Variants in ADCY10 observed in about 807,000 individuals in gnomAD.
The protein encoded by ADCY10 is adenylate cyclase type 10.
In ADCY10, 156 loss-of-function variants were observed where a neutral mutation model predicts 183.3. The ratio of observed to expected loss-of-function variants is 0.85; its 90% CI spans 0.75 to 0.97. The LOEUF (loss-of-function observed/expected upper bound fraction) is 0.97. ADCY10 is among the 50% of genes least tolerant of loss of function. The probability of loss-of-function intolerance (pLI) is 0.00; values close to 1 mark genes in which losing one functional copy is unlikely to be tolerated. For synonymous variants in ADCY10, 645 were observed against 670.0 expected (o/e 0.96, Z 0.58); for missense variants, 1,745 against 1,934.3 (o/e 0.90, Z 1.84).
At chr1:167,902,100 G>A in intron 3 of ADCY10, 46 bp from the exon 4 acceptor site, 2 of 1,567,026 alleles carry the variant, frequency 1.3e-6, no homozygotes, top group Non-Finnish European at 1.8e-6. Flanking sequence ...TTCCTTAAAG[G>A]TAGTAAAAAA....
chr1:167,861,028 T>C lies in ADCY10; in HGVS notation c.1652A>G (p.His551Arg), dbSNP rs1273997825. 1.2e-6 allele frequency: 2 copies of C among 1,614,058 alleles called. No individual in the cohort carries two copies. The highest frequency in any genetic ancestry group is 8.5e-7 in the Non-Finnish European group (1 of 1,180,024). ...CATCTGGATGGTATAGAAAGTTTGA[T>C]GGAAGCTGATCTTATTCAATGAAAT... ...IAISLNKISF[H>R]QTFYTIQMFM... The change falls in exon 15 of 33, where the codon CAT (histidine) becomes CGT (arginine). Residue 551 changes from histidine (H) to arginine (R), a missense_variant. Transcript: ENST00000367851.
At chr1:167,856,462 AAG>A in intron 16 of ADCY10, 23 bp from the exon 17 acceptor site, 1 of 1,613,868 alleles carries the variant, frequency 6.2e-7, no homozygotes, top group Non-Finnish European at 8.5e-7. Context: ...CAGAAAGAGA[AAG>A]AGAAACACCA....
rs1668776894 is a variant in ADCY10 at position 167,893,914 on chromosome 1, T to C, written c.767A>G (p.Lys256Arg). 6.2e-7 allele frequency: 1 copy of C among 1,613,650 alleles called. No individual in the cohort carries two copies. Among genetic ancestry groups the C allele is most frequent in the African/African-American group, 1.3e-5 (1 of 75,010 alleles). ...KNLLRLACTL[K>R]PDPELEMSLQ... Reference sequence around the variant, plus strand: ...GGACATCTCCAGTTCAGGATCAGGCTTCAGCGTGCATGCAAGCCTCAGGAG... The same window carrying C: ...GGACATCTCCAGTTCAGGATCAGGCCTCAGCGTGCATGCAAGCCTCAGGAG... The change falls in exon 8 of 33, where the codon AAG (lysine) becomes AGG (arginine). Residue 256 changes from lysine (K) to arginine (R), a missense_variant. Transcript: ENST00000367851.
At position 167,848,488 on chromosome 1, in the gene ADCY10, C is replaced by T; in HGVS notation, c.2310G>A (p.Lys770=). ...KTNRTWNNLF[K]YSIKLTEKLN... ...ACTTCTCTGTTAGCTTAATGGAATA[C>T]TCTACAGGGGTATAAAAGGGAAGAA... The change falls in exon 19 of 33, where the codon AAG becomes AAA. Residue 770 remains lysine, a splice_region_variant and synonymous_variant. Coordinates refer to ENST00000367851, the MANE Select transcript of ADCY10 (RefSeq NM_018417.6). 1 of 1,613,650 alleles carries T rather than the reference C, an allele frequency of 6.2e-7. No homozygotes were observed. Among genetic ancestry groups the T allele is most frequent in the East Asian group, 2.2e-5 (1 of 44,870 alleles).
At chr1:167,819,062 A>C (rs1662707593) in intron 30 of ADCY10, among the ~76,000 whole-genome samples, 4 of 152,094 alleles carry the variant, frequency 2.6e-5, no homozygotes, top group Non-Finnish European at 5.9e-5. Context: ...GGGGTGTGGC[A>C]TCTCTGAGTT....
chr1:167,822,728 G>A (rs1215350752), intron 29 of ADCY10, among the ~76,000 whole-genome samples: 1 of 152,144 alleles, frequency 6.6e-6, no homozygotes, highest in Non-Finnish European at 1.5e-5. Flanking sequence ...AAGACAGTCA[G>A]CCACTATCAC....
rs543379404 is a variant in ADCY10, at chr1:167,822,341, A to T, written c.4169-200T>A. Among the ~76,000 whole-genome samples the T allele has an allele frequency of 7.2e-5, 11 of 152,240 alleles. No individual in the cohort carries two copies. The East Asian group carries it at 1.9e-3, about 27-fold the overall frequency. On this transcript the variant is annotated intron_variant, in intron 29 of 32. Transcript: ENST00000367851. ...TGAGTCCTACCTATTGGGGAGTGTT[A>T]TGGATATATACTACAGTTCCACAGT...
intron 1 of ADCY10, among the ~76,000 whole-genome samples, chr1:167,906,371 A>G (rs904968019): frequency 1.3e-5 from 2 of 152,122 alleles, no homozygotes; most frequent in African/African-American, 4.8e-5. Flanking sequence ...GGTTTAAAAA[A>G]AAAAAGGGTA....
chr1:167,834,185 A>C, intron 23 of ADCY10, 108 bp from the exon 24 acceptor site: 2 of 805,510 alleles, frequency 2.5e-6, no homozygotes, highest in Non-Finnish European at 4.2e-6. Context: ...GAGCCATTTC[A>C]GTTACCACCT....
In ADCY10 at chr1:167,870,403, A is replaced by T. The variant is rs1270525030; in HGVS notation, c.1470T>A (p.Asn490Lys). ...RKEDYPLLGR[N>K]KEINYFMYTM... ...TATACATGAAGTAGTTGATCTCTTT[A>T]TTACGTCCTGTTATTTTTAGTTTTA... Residue 490 changes from asparagine (N) to lysine (K), a missense_variant, in exon 14 of 33, where the codon AAT (asparagine) becomes AAA (lysine). Coordinates refer to ENST00000367851, the MANE Select transcript of ADCY10 (RefSeq NM_018417.6). The T allele has an allele frequency of 6.2e-7, 1 of 1,608,330 alleles. No homozygotes were observed. The highest frequency in any genetic ancestry group is 2.2e-5 in the East Asian group (1 of 44,820).
chr1:167,868,563 A>G (rs1311517502), intron 14 of ADCY10, among the ~76,000 whole-genome samples: 2 of 152,130 alleles, frequency 1.3e-5, no homozygotes, highest in East Asian at 3.8e-4. Flanking sequence ...GGGACTAGAC[A>G]GCCCCCCACT....
chr1:167,812,984 T>C (rs772232954), intron 31 of ADCY10, among the ~76,000 whole-genome samples: 2 of 151,874 alleles, frequency 1.3e-5, no homozygotes, highest in Non-Finnish European at 2.9e-5. Flanking sequence ...TGAAGAAAAG[T>C]TAACAGAGCC....
At chr1:167,887,844 G>T (rs1668337043) in intron 8 of ADCY10, among the ~76,000 whole-genome samples, 1 of 150,996 alleles carries the variant, frequency 6.6e-6, no homozygotes, top group African/African-American at 2.4e-5. Context: ...GTGCTTGTGG[G>T]GTATTACTCA....
At chr1:167,860,767 T>C in intron 15 of ADCY10, 104 bp downstream of exon 15, 1 of 936,132 alleles carries the variant, frequency 1.1e-6, no homozygotes, top group Non-Finnish European at 1.8e-6. Flanking sequence ...ATCTGGATAC[T>C]GCAGATATAC....
At chr1:167,895,855 G>A (rs1395322683) in intron 7 of ADCY10, among the ~76,000 whole-genome samples, 1 of 152,064 alleles carries the variant, frequency 6.6e-6, no homozygotes, top group Non-Finnish European at 1.5e-5. Context: ...AAGACTAGAA[G>A]GTCAAAGACA....
intron 12 of ADCY10, among the ~76,000 whole-genome samples, chr1:167,876,777 T>C (rs1667497644): frequency 1.3e-5 from 2 of 152,218 alleles, no homozygotes; most frequent in South Asian, 4.1e-4. Flanking sequence ...GTCCTCTCAT[T>C]CTGGACTCAG....
intron 14 of ADCY10, among the ~76,000 whole-genome samples, chr1:167,863,355 T>C (rs1666426746): frequency 6.6e-6 from 1 of 152,162 alleles, no homozygotes; most frequent in Non-Finnish European, 1.5e-5. Flanking sequence ...CCACCGGTGC[T>C]CACAGCCCCT....
At position 167,891,655 on chromosome 1, in the gene ADCY10, C is replaced by CAAA. The variant is rs774084079; in HGVS notation, c.828+2195_828+2197dup. 2.1e-3 allele frequency among the ~76,000 whole-genome samples: 228 copies of CAAA among 107,682 alleles called. 2 individuals are homozygous for CAAA. The highest frequency in any genetic ancestry group is 7.2e-3 in the African/African-American group (218 of 30,470). The allele number at this position is 107,682 out of a possible 152,430, so 70.6% of individuals were successfully genotyped here. Reference sequence around the variant, plus strand: ...TGGGCGACAGAATGAGACTCTGTCTCAAAAAAAAAAAAAAAAGAAAGAAAG... The same window carrying CAAA: ...TGGGCGACAGAATGAGACTCTGTCTCAAAAAAAAAAAAAAAAAAAGAAAGAAAG... On this transcript the variant is annotated intron_variant, in intron 8 of 32. Coordinates refer to ENST00000367851, the MANE Select transcript of ADCY10 (RefSeq NM_018417.6).
chr1:167,832,906 T>C, intron 25 of ADCY10, 81 bp downstream of exon 25: 4 of 1,468,800 alleles, frequency 2.7e-6, no homozygotes. Context: ...AGGCCAGGCT[T>C]TGGGGGCTGA....
Sources: gnomAD v4.1 joint callset for allele counts (sites outside exome capture counted in the v4.1 genomes callset) on GRCh38, gnomAD v4.1.1 for gene constraint, MANE v1.5 for transcripts, NCBI Gene and HGNC (gene_info 2026-07-23, HGNC 2026-07-21) for gene names.